CABIN1: variants seen among roughly 807,000 people sequenced by gnomAD.
The protein encoded by CABIN1 is calcineurin binding protein 1.
CABIN1 carries 133 observed loss-of-function variants against 227.7 expected under a neutral mutation model. The ratio of observed to expected loss-of-function variants is 0.58; its 90% CI spans 0.51 to 0.67. CABIN1 has a LOEUF of 0.67. Ranked by LOEUF, CABIN1 falls within the 30% of genes least tolerant of loss-of-function variation. The probability of loss-of-function intolerance (pLI) is 0.00; values close to 1 mark genes in which losing one functional copy is unlikely to be tolerated. For synonymous variants in CABIN1, 1,086 were observed against 1,155.1 expected (o/e 0.94, Z 1.21); for missense variants, 2,408 against 2,852.5 (o/e 0.84, Z 3.55).
Position 24,051,059 on chromosome 22 carries a change from T to C in CABIN1, c.806+85T>C. The C allele has an allele frequency of 4.5e-6, 7 of 1,563,664 alleles. No homozygotes were observed. The South Asian group carries it at 6.8e-5, about 15-fold the overall frequency. ...CTGCCCTGCACAGGAGGGAGAGACCTTGAGGCTTGATCCTGGGTTGGTGGT... is the reference window on the plus strand; with the variant it reads ...CTGCCCTGCACAGGAGGGAGAGACCCTGAGGCTTGATCCTGGGTTGGTGGT... On this transcript the variant is annotated intron_variant, in intron 8 of 36. Transcript: ENST00000263119.
At chr22:24,112,154 T>G (rs2042843926) in intron 26 of CABIN1, among the ~76,000 whole-genome samples, 1 of 152,278 alleles carries the variant, frequency 6.6e-6, no homozygotes. Context: ...TTTTTCTTTC[T>G]TTCTTTGTGT....
Position 24,177,802 on chromosome 22 carries a change from C to G in CABIN1, c.6504C>G (p.Thr2168=). The change falls in exon 36 of 37, where the codon ACC becomes ACG. Residue 2168 remains threonine (T), a synonymous_variant. Transcript: ENST00000263119. The surrounding 1 kb of genome is among the most constrained non-coding windows in gnomAD (Gnocchi z 4.4). ...CCAAAGGCAGCATCTCGGAGGAGACCAAGCAGAAGCTGAAGGTGACCTCAG... is the reference window on the plus strand; with the variant it reads ...CCAAAGGCAGCATCTCGGAGGAGACGAAGCAGAAGCTGAAGGTGACCTCAG... ...LSPKGSISEE[T]KQKLKSAILS... is the part of the protein sequence containing the mutation. 6.2e-7 allele frequency: 1 copy of G among 1,607,160 alleles called. No homozygotes were observed. The highest frequency in any genetic ancestry group is 8.5e-7 in the Non-Finnish European group (1 of 1,175,464).
chr22:24,177,783 G>T lies in CABIN1; in HGVS notation c.6485G>T (p.Gly2162Val), dbSNP rs1333469531. ...ACCCCAACCCTGCTCTCCCCCAAAG[G>T]CAGCATCTCGGAGGAGACCAAGCAG... The part of the protein sequence containing the change: ...PPTPTLLSPK[G>V]SISEETKQKL... Residue 2162 changes from glycine to valine, a missense_variant, in exon 36 of 37, where the codon GGC becomes GTC. By Grantham distance (109) the Gly-to-Val change is moderately radical. Coordinates refer to ENST00000263119, the MANE Select transcript of CABIN1 (RefSeq NM_012295.4). The surrounding 1 kb of genome is among the most constrained non-coding windows in gnomAD (Gnocchi z 4.4). 3.1e-6 allele frequency: 5 copies of T among 1,608,758 alleles called. No homozygotes were observed. In the African/African-American group the frequency reaches 6.7e-5, roughly 22 times the overall value.
intron 34 of CABIN1, among the ~76,000 whole-genome samples, chr22:24,174,957 G>A (rs1295410607): frequency 6.6e-6 from 1 of 152,128 alleles, no homozygotes; most frequent in African/African-American, 2.4e-5. Context: ...CGGAGTAGGG[G>A]GCTAGAGACT....
intron 27 of CABIN1, among the ~76,000 whole-genome samples, chr22:24,114,772 A>G (rs999058445): frequency 3.3e-5 from 5 of 152,210 alleles, no homozygotes; most frequent in African/African-American, 1.2e-4. Flanking sequence ...TACACTAAGA[A>G]GACCTCTCCT....
intron 17 of CABIN1, chr22:24,071,274 G>A: frequency 1.7e-6 from 1 of 591,570 alleles, no homozygotes; most frequent in Non-Finnish European, 3.0e-6. Context: ...TGGTGCCATG[G>A]GGTTCTTCCA....
At chr22:24,155,988 C>T (rs2045766831) in intron 29 of CABIN1, 3 of 564,410 alleles carry the variant, frequency 5.3e-6, no homozygotes, top group East Asian at 7.0e-5. Context: ...CCCCGGCCCG[C>T]CGCGAGCGAG....
intron 28 of CABIN1, among the ~76,000 whole-genome samples, chr22:24,124,037 GTGCCACTTGCTTAGT>G (rs543664651): frequency 1.1e-3 from 161 of 152,344 alleles, no homozygotes; most frequent in Non-Finnish European, 1.1e-3. Flanking sequence ...AGGGCACAGT[GTGCCACTTGCTTAGT>G]TGCTGACAGC....
chr22:24,046,166 G>T (rs2037864176), intron 6 of CABIN1, among the ~76,000 whole-genome samples: 1 of 152,014 alleles, frequency 6.6e-6, no homozygotes, highest in Admixed American at 6.5e-5. Flanking sequence ...CCTTCTGCTT[G>T]TCATCCTGTC....
intron 15 of CABIN1, 110 bp from the exon 16 acceptor site, chr22:24,066,877 C>A: frequency 1.9e-6 from 2 of 1,037,228 alleles, no homozygotes; most frequent in South Asian, 1.3e-5. Flanking sequence ...GGAACATAGT[C>A]TAATTTTTAT....
chr22:24,049,331 C>A (rs764125275), intron 7 of CABIN1, 111 bp downstream of exon 7: 8 of 1,356,636 alleles, frequency 5.9e-6, no homozygotes, highest in African/African-American at 1.4e-5. Context: ...CCCCTGTGCT[C>A]TGGGGCTTCA....
intron 2 of CABIN1, 84 bp from the exon 3 acceptor site, chr22:24,036,005 A>G: frequency 6.6e-6 from 6 of 903,446 alleles, no homozygotes; most frequent in Admixed American, 1.7e-5. Context: ...ATGCTGGAGC[A>G]GAATTGTATT....
intron 1 of CABIN1, among the ~76,000 whole-genome samples, chr22:24,022,874 G>T (rs1227014387): frequency 6.6e-6 from 1 of 152,170 alleles, no homozygotes; most frequent in Non-Finnish European, 1.5e-5. Flanking sequence ...TGAAGTATCT[G>T]TTCAAGTCTT....
intron 18 of CABIN1, among the ~76,000 whole-genome samples, chr22:24,074,913 CAG>C (rs1344885373): frequency 6.6e-5 from 10 of 152,320 alleles, no homozygotes; most frequent in African/African-American, 2.4e-4. Context: ...CCAAAAGTAA[CAG>C]GGCATGGTGG....
chr22:24,045,489 T>C (rs1164370998), intron 6 of CABIN1, among the ~76,000 whole-genome samples: 1 of 150,208 alleles, frequency 6.7e-6, no homozygotes, highest in East Asian at 2.0e-4. Context: ...GGTGGGGTGG[T>C]GCACACCTGT....
intron 9 of CABIN1, among the ~76,000 whole-genome samples, chr22:24,055,361 C>G (rs1313704401): frequency 6.6e-6 from 1 of 152,268 alleles, no homozygotes. Context: ...CATTTCAGCT[C>G]TGAAGCCCTG....
intron 1 of CABIN1, 107 bp from the exon 2 acceptor site, chr22:24,035,337 C>T (rs1396840292): frequency 1.3e-6 from 1 of 743,176 alleles, no homozygotes; most frequent in African/African-American, 1.7e-5. Context: ...CTTCACTGGC[C>T]TGTCTGCATA....
Position 24,168,424 on chromosome 22 carries a change from A to C in CABIN1, c.5683-23A>C, listed in dbSNP as rs1218068121. Reference sequence around the variant, plus strand: ...TAACCACAATGGCCTGCGCCCCCTGACTTCCAGCATCTCCCTGTTAAGGTG... The same window carrying C: ...TAACCACAATGGCCTGCGCCCCCTGCCTTCCAGCATCTCCCTGTTAAGGTG... On this transcript the variant is annotated intron_variant, in intron 32 of 36. Transcript: ENST00000263119. 7 of 1,561,590 alleles carry C rather than the reference A, an allele frequency of 4.5e-6. No homozygotes were observed. In the African/African-American group the frequency reaches 9.5e-5, roughly 21 times the overall value.
At chr22:24,103,400 C>T (rs1238588773) in intron 26 of CABIN1, 1 of 152,166 alleles carries the variant, frequency 6.6e-6, no homozygotes, top group Non-Finnish European at 1.5e-5. Context: ...TGTAAAAATG[C>T]AAATTGTGCA....
Sources: gnomAD v4.1 joint callset for allele counts (sites outside exome capture counted in the v4.1 genomes callset) on GRCh38, gnomAD v4.1.1 for gene constraint, Gnocchi (gnomAD v3.1) non-coding constraint, MANE v1.5 for transcripts, NCBI Gene and HGNC (gene_info 2026-07-23, HGNC 2026-07-21) for gene names.